The following S100Z variants were observed in gnomAD, a reference collection of about 807,000 sequenced individuals.
S100Z encodes the protein protein S100-Z.
A neutral mutation model predicts 8.5 loss-of-function variants in S100Z; 11 were observed. That is an observed-to-expected ratio of 1.30 (90% confidence interval 0.82 to 2.15). The LOEUF (loss-of-function observed/expected upper bound fraction) is 2.15, where lower values mean the gene tolerates loss of function less well. S100Z is among the 30% of genes most tolerant of loss of function. The pLI is 0.00. For synonymous variants in S100Z, 34 were observed against 43.8 expected (o/e 0.78, Z 0.89); for missense variants, 126 against 117.9 (o/e 1.07, Z -0.32).
intron 4 of S100Z, among the ~76,000 whole-genome samples, chr5:76,883,070 A>G (rs1458048626): frequency 3.3e-5 from 5 of 152,208 alleles, no homozygotes; most frequent in African/African-American, 4.8e-5. Flanking sequence ...TTAAAAGGCC[A>G]TGCTGTAACA....
intron 4 of S100Z, among the ~76,000 whole-genome samples, chr5:76,887,356 C>T (rs1419125789): frequency 1.4e-5 from 2 of 145,800 alleles, no homozygotes; most frequent in Non-Finnish European, 3.0e-5. Context: ...TTCAGCCTCC[C>T]AAAGTGCTGG....
chr5:76,926,538 A>G (rs866418450), downstream of S100Z, among the ~76,000 whole-genome samples: 2 of 152,242 alleles, frequency 1.3e-5, no homozygotes, highest in Admixed American at 6.5e-5. Context: ...TGAAATTTGC[A>G]AGAAAGTCCT....
chr5:76,864,912 T>C (rs1751212464), intron 1 of S100Z, among the ~76,000 whole-genome samples: 1 of 151,336 alleles, frequency 6.6e-6, no homozygotes, highest in East Asian at 2.0e-4. Flanking sequence ...TTTCACCATA[T>C]TGGCCAGGCT....
chr5:76,907,009 T>C (rs1158368009), intron 4 of S100Z, among the ~76,000 whole-genome samples: 6 of 19,296 alleles, frequency 3.1e-4, no homozygotes, highest in East Asian at 1.1e-3. Context: ...TATATATATA[T>C]ATATATATAT....
At chr5:76,912,585 G>A (rs984215406) in intron 4 of S100Z, among the ~76,000 whole-genome samples, 2 of 152,212 alleles carry the variant, frequency 1.3e-5, no homozygotes, top group Non-Finnish European at 2.9e-5. Context: ...ATGTGTATAC[G>A]GATAGCAAAT....
the S100Z span, among the ~76,000 whole-genome samples, chr5:76,932,540 G>T: frequency 6.6e-6 from 1 of 152,248 alleles, no homozygotes; most frequent in African/African-American, 2.4e-5. Context: ...TTCTAGCAGA[G>T]ATGGGGTTTC....
chr5:76,870,573 G>T (rs981991388), intron 2 of S100Z, among the ~76,000 whole-genome samples: 3 of 151,992 alleles, frequency 2.0e-5, no homozygotes, highest in Non-Finnish European at 4.4e-5. Flanking sequence ...TAAGATTCCT[G>T]AGTAAAACTA....
At chr5:76,920,576 G>T (rs1347668897) in intron 4 of S100Z, 141 bp from the exon 5 acceptor site, 2 of 152,178 alleles carry the variant, frequency 1.3e-5, no homozygotes, top group Non-Finnish European at 2.9e-5. Flanking sequence ...TCTCCTCAAT[G>T]CAGAGCAGAA....
intron 1 of S100Z, among the ~76,000 whole-genome samples, chr5:76,852,329 A>G (rs1349893816): frequency 6.6e-6 from 1 of 152,064 alleles, no homozygotes; most frequent in African/African-American, 2.4e-5. Flanking sequence ...TTGCCTGTTT[A>G]CACTAGCAGC....
At chr5:76,918,085 T>TC (rs1370472694) in intron 4 of S100Z, among the ~76,000 whole-genome samples, 2 of 152,232 alleles carry the variant, frequency 1.3e-5, no homozygotes, top group Non-Finnish European at 2.9e-5. Context: ...ATTGATAACG[T>TC]CAATTTTCTA....
At chr5:76,855,276 G>C (rs1200903651) in intron 1 of S100Z, among the ~76,000 whole-genome samples, 1 of 152,204 alleles carries the variant, frequency 6.6e-6, no homozygotes, top group Non-Finnish European at 1.5e-5. Flanking sequence ...TTGTCCTCCA[G>C]ACCCCAGAAT....
At chr5:76,859,599 G>C (rs111283060) in intron 1 of S100Z, among the ~76,000 whole-genome samples, 2 of 151,940 alleles carry the variant, frequency 1.3e-5, no homozygotes, top group African/African-American at 4.8e-5. Context: ...TGGCCAACAT[G>C]ATGAAACCCC....
the S100Z span, among the ~76,000 whole-genome samples, chr5:76,948,056 C>T: frequency 2.0e-5 from 3 of 152,144 alleles, no homozygotes; most frequent in East Asian, 3.9e-4. Flanking sequence ...CTGGGAGCCG[C>T]GGCTCACATC....
chr5:76,879,283 C>T (rs530646711), intron 4 of S100Z, among the ~76,000 whole-genome samples: 1 of 152,196 alleles, frequency 6.6e-6, no homozygotes, highest in South Asian at 2.1e-4. Flanking sequence ...GGAGCCTGGG[C>T]ATTGTTGTCA....
At chr5:76,874,633 G>A (rs1743115662) in intron 2 of S100Z, among the ~76,000 whole-genome samples, 1 of 152,102 alleles carries the variant, frequency 6.6e-6, no homozygotes, top group Admixed American at 6.5e-5. Context: ...ATAGTTTAAT[G>A]GTAAACAACC....
intron 1 of S100Z, among the ~76,000 whole-genome samples, chr5:76,853,431 A>T (rs186032187): frequency 1.1e-4 from 17 of 152,312 alleles, no homozygotes; most frequent in Admixed American, 8.5e-4. Flanking sequence ...AGCTTGAACT[A>T]CTTTTATTTG....
At chr5:76,896,310 C>T (rs1437426143) in intron 4 of S100Z, among the ~76,000 whole-genome samples, 1 of 152,164 alleles carries the variant, frequency 6.6e-6, no homozygotes, top group African/African-American at 2.4e-5. Flanking sequence ...GTGCATGGCT[C>T]ATTTCATTTA....
intron 1 of S100Z, among the ~76,000 whole-genome samples, chr5:76,852,732 A>ACAAG (rs1232605289): frequency 6.6e-6 from 1 of 152,134 alleles, no homozygotes; most frequent in Non-Finnish European, 1.5e-5. Context: ...AAACAAACAA[A>ACAAG]CAAAAAACAG....
rs191515109 is a variant in S100Z, at chr5:76,886,656, C to T, written c.*2+8822C>T. The stretch of plus-strand genomic sequence containing the variant: ...GTGAGCAACAAGGCTGTTTATATTA[C>T]CTGGGTGCAGGTGGGCTGAGTCCAA... On this transcript the variant is annotated intron_variant, in intron 4 of 4. Coordinates refer to ENST00000317593, the MANE Select transcript of S100Z (RefSeq NM_130772.4). Among the ~76,000 whole-genome samples, 597 of 152,226 alleles carry T rather than the reference C, an allele frequency of 3.9e-3. 1 individual carries two copies. Among genetic ancestry groups the T allele is most frequent in the Non-Finnish European group, 6.3e-3 (427 of 68,022 alleles).
Sources: allele counts gnomAD v4.1 joint callset (sites outside exome capture counted in the v4.1 genomes callset), GRCh38; gene constraint gnomAD v4.1.1; transcripts MANE v1.5; gene names NCBI Gene and HGNC (gene_info 2026-07-23, HGNC 2026-07-21).